DPP10: variants seen among roughly 807,000 people sequenced by gnomAD.
DPP10 encodes inactive dipeptidyl peptidase 10.
A neutral mutation model predicts 120.9 loss-of-function variants in DPP10; 33 were observed. The observed-to-expected ratio is 0.27, with a 90% CI of 0.21 to 0.37. DPP10 has a LOEUF of 0.37. Among genes scored for constraint, DPP10 ranks in the 10% least tolerant of loss-of-function variants. DPP10 has a pLI of 1.00. For synonymous variants in DPP10, 337 were observed against 326.1 expected, an observed-to-expected ratio of 1.03 and a Z score of -0.36; for missense variants, 816 against 942.8, an observed-to-expected ratio of 0.87 and a Z score of 1.76.
chr2:114,635,463 A>G (rs1349995855), intron 1 of DPP10, among the ~76,000 whole-genome samples: 1 of 151,978 alleles, frequency 6.6e-6, no homozygotes, highest in Non-Finnish European at 1.5e-5. Flanking sequence ...TGTTTTACAG[A>G]ATAAGGCATA....
chr2:115,440,559 A>G (rs1349286318), intron 3 of DPP10, among the ~76,000 whole-genome samples: 1 of 152,244 alleles, frequency 6.6e-6, no homozygotes, highest in African/African-American at 2.4e-5. Context: ...GCCGGCGGCC[A>G]AAGAGACGGC....
chr2:115,062,089 G>T (rs552304724), intron 1 of DPP10, among the ~76,000 whole-genome samples: 34 of 150,904 alleles, frequency 2.3e-4, no homozygotes, highest in Admixed American at 1.8e-3. Context: ...TATTTCATGA[G>T]TGTTGGAAAA....
At chr2:114,672,714 G>A (rs971450910) in intron 1 of DPP10, among the ~76,000 whole-genome samples, 2 of 152,100 alleles carry the variant, frequency 1.3e-5, no homozygotes, top group African/African-American at 2.4e-5. Context: ...ATGGGGATTC[G>A]TAGGAGATTG....
At chr2:114,502,108 GTATTTATTT>G (rs1263293073) in intron 1 of DPP10, among the ~76,000 whole-genome samples, 4 of 150,890 alleles carry the variant, frequency 2.7e-5, no homozygotes, top group Admixed American at 2.0e-4. Flanking sequence ...GCTAATTTTT[GTATTTATTT>G]TATTTATTTT....
intron 1 of DPP10, among the ~76,000 whole-genome samples, chr2:114,537,472 C>A (rs983173161): frequency 1.3e-5 from 2 of 152,088 alleles, no homozygotes; most frequent in Non-Finnish European, 2.9e-5. Flanking sequence ...CCCTTCACAG[C>A]CACACCACGT....
chr2:114,547,751 A>G (rs1253860464), intron 1 of DPP10, among the ~76,000 whole-genome samples: 1 of 152,214 alleles, frequency 6.6e-6, no homozygotes, highest in African/African-American at 2.4e-5. Context: ...CAACAATAGT[A>G]GTATACCTTT....
chr2:114,830,838 G>A (rs574866643), intron 1 of DPP10, among the ~76,000 whole-genome samples: 2 of 151,540 alleles, frequency 1.3e-5, no homozygotes, highest in South Asian at 4.2e-4. Flanking sequence ...TTGAGTATTA[G>A]GTCTTTACAT....
chr2:114,978,494 T>C (rs574891727), intron 1 of DPP10, among the ~76,000 whole-genome samples: 1 of 152,246 alleles, frequency 6.6e-6, no homozygotes, highest in Admixed American at 6.5e-5. Flanking sequence ...TGCAATATAC[T>C]TGTCTATAAC....
chr2:115,048,533 T>A (rs772368491), intron 1 of DPP10, among the ~76,000 whole-genome samples: 1 of 151,980 alleles, frequency 6.6e-6, no homozygotes, highest in Non-Finnish European at 1.5e-5. Context: ...CACCAGTTGT[T>A]TTTTATTTGG....
rs758664811 is a variant in DPP10, at chr2:115,431,063, A to G, written c.272-68447A>G. On this transcript the variant is annotated intron_variant, in intron 3 of 25. Coordinates refer to ENST00000410059, the MANE Select transcript of DPP10 (RefSeq NM_020868.6). ...AGCTTCTTAAGAGAATAAAAATCAGATGATATCAACATAGAGACCCAGGGT... is the reference window on the plus strand; with the variant it reads ...AGCTTCTTAAGAGAATAAAAATCAGGTGATATCAACATAGAGACCCAGGGT... Among the ~76,000 whole-genome samples the G allele has an allele frequency of 1.2e-4, 18 of 152,354 alleles. No homozygotes were observed. The South Asian group carries it at 2.1e-3, about 18-fold the overall frequency.
chr2:115,785,195 G>A (rs1222980047), intron 17 of DPP10, among the ~76,000 whole-genome samples: 1 of 152,200 alleles, frequency 6.6e-6, no homozygotes, highest in Non-Finnish European at 1.5e-5. Flanking sequence ...TATTCCACCA[G>A]CCGTGTTCCT....
At chr2:114,479,824 A>C (rs1224654482) in intron 1 of DPP10, among the ~76,000 whole-genome samples, 3 of 152,210 alleles carry the variant, frequency 2.0e-5, no homozygotes, top group African/African-American at 4.8e-5. Flanking sequence ...CATGTCTAAA[A>C]CACCAAAAGC....
chr2:114,913,235 C>T (rs957793645), intron 1 of DPP10, among the ~76,000 whole-genome samples: 17 of 152,288 alleles, frequency 1.1e-4, no homozygotes, highest in African/African-American at 2.4e-4. Flanking sequence ...CTTCCCCCAT[C>T]GGCGTGCACT....
chr2:114,471,638 G>A (rs546322130), intron 1 of DPP10, among the ~76,000 whole-genome samples: 10 of 152,290 alleles, frequency 6.6e-5, no homozygotes, highest in Admixed American at 3.3e-4. Flanking sequence ...TATGAAAAAA[G>A]AGTCTCCTAA....
chr2:114,671,549 T>C (rs1392466567), intron 1 of DPP10, among the ~76,000 whole-genome samples: 2 of 152,152 alleles, frequency 1.3e-5, no homozygotes, highest in East Asian at 3.9e-4. Context: ...CAGCCTCACG[T>C]ATTCCTTTAT....
intron 1 of DPP10, among the ~76,000 whole-genome samples, chr2:114,848,712 A>T (rs1397367983): frequency 2.0e-5 from 3 of 152,204 alleles, no homozygotes; most frequent in Non-Finnish European, 1.5e-5. Context: ...GGTTTGTTTG[A>T]TTCAAGGGAA....
At chr2:115,109,024 T>C (rs1559105431) in intron 1 of DPP10, among the ~76,000 whole-genome samples, 1 of 108,108 alleles carries the variant, frequency 9.3e-6, no homozygotes, top group East Asian at 3.0e-4. Context: ...TCATTAAAGA[T>C]GTTTGATGTT....
chr2:115,613,661 A>G (rs546992523), intron 5 of DPP10, among the ~76,000 whole-genome samples: 2 of 152,280 alleles, frequency 1.3e-5, no homozygotes, highest in African/African-American at 4.8e-5. Flanking sequence ...TTGAACAAAT[A>G]CTGCTAAGAT....
At chr2:115,246,363 T>G (rs2058533281) in intron 1 of DPP10, among the ~76,000 whole-genome samples, 1 of 152,154 alleles carries the variant, frequency 6.6e-6, no homozygotes, top group Admixed American at 6.6e-5. Context: ...GGTGCTCTGG[T>G]ACATGAAGAC....
Sources: gnomAD v4.1 joint callset for allele counts (sites outside exome capture counted in the v4.1 genomes callset) on GRCh38, gnomAD v4.1.1 for gene constraint, MANE v1.5 for transcripts, NCBI Gene and HGNC (gene_info 2026-07-23, HGNC 2026-07-21) for gene names.